The following PCDH15 variants were observed in gnomAD, a reference collection of about 807,000 sequenced individuals.
PCDH15 encodes the protein protocadherin related 15, also known as protocadherin-15.
A neutral mutation model predicts 178.5 loss-of-function variants in PCDH15; 129 were observed. The observed-to-expected ratio is 0.72, with a 90% CI of 0.63 to 0.84. PCDH15 has a LOEUF of 0.84. Among genes scored for constraint, PCDH15 ranks in the 40% least tolerant of loss-of-function variants. PCDH15 has a pLI of 0.00. For synonymous variants in PCDH15, 800 were observed against 732.0 expected, an observed-to-expected ratio of 1.09 and a Z score of -1.50; for missense variants, 2,230 against 2,099.9, an observed-to-expected ratio of 1.06 and a Z score of -1.21.
intron 2 of PCDH15, among the ~76,000 whole-genome samples, chr10:55,582,711 T>A (rs1210403932): frequency 6.7e-6 from 1 of 149,026 alleles, no homozygotes; most frequent in African/African-American, 2.5e-5. Context: ...AAATCCTTCT[T>A]AAATCTGTAA....
intron 2 of PCDH15, among the ~76,000 whole-genome samples, chr10:54,982,624 A>T (rs187908754): frequency 6.6e-6 from 1 of 152,312 alleles, no homozygotes; most frequent in East Asian, 1.9e-4. Flanking sequence ...AAGGATAATG[A>T]TAAATACATT....
At chr10:55,262,395 C>T (rs1204832712) in intron 1 of PCDH15, among the ~76,000 whole-genome samples, 1 of 152,154 alleles carries the variant, frequency 6.6e-6, no homozygotes, top group African/African-American at 2.4e-5. Context: ...CCTAAGACCA[C>T]CCTGGCCCAC....
intron 3 of PCDH15, among the ~76,000 whole-genome samples, chr10:54,412,762 G>A (rs1953737334): frequency 6.6e-6 from 1 of 152,118 alleles, no homozygotes. Flanking sequence ...TCGCTCTGTA[G>A]CCAGGGTGGA....
rs569632471 is a variant in PCDH15, at chr10:55,253,582, T to C, written c.-156+66017A>G. The stretch of plus-strand genomic sequence containing the variant: ...AGAATGGGATAGCAATGTGCCATTG[T>C]GCATTTTAAGTGAACCATAATAAGT... On this transcript the variant is annotated intron_variant, in intron 1 of 5. Transcript: ENST00000458638. 6.5e-4 allele frequency among the ~76,000 whole-genome samples: 98 copies of C among 151,824 alleles called. No individual in the cohort carries two copies. In the South Asian group the frequency reaches 0.012, roughly 19 times the overall value.
In PCDH15 at chr10:54,375,898, A is replaced by ATATATAAT. The variant is rs1554938299; in HGVS notation, c.318+2883_318+2884insATTATATA. ...GAAACGGAATATATATATATATATA[A>ATATATAAT]TTTTTTTTCTTTTTGAGACGGAGTC... On this transcript the variant is annotated intron_variant, in intron 4 of 37. Coordinates refer to ENST00000644397, the MANE Select transcript of PCDH15 (RefSeq NM_001384140.1). Among the ~76,000 whole-genome samples the ATATATAAT allele has an allele frequency of 7.5e-3, 1,041 of 139,440 alleles. 10 individuals carry two copies. The highest frequency in any genetic ancestry group is 0.023 in the African/African-American group (843 of 37,046). 91.5% of individuals were successfully genotyped at this position (139,440 alleles called of 152,430 possible).
intron 2 of PCDH15, among the ~76,000 whole-genome samples, chr10:55,141,074 T>C (rs1156891037): frequency 6.6e-6 from 1 of 152,032 alleles, no homozygotes; most frequent in Non-Finnish European, 1.5e-5. Context: ...CCCACCTCCT[T>C]GAGTCTATAA....
chr10:54,781,317 C>T (rs1217331465), intron 1 of PCDH15, among the ~76,000 whole-genome samples: 1 of 152,008 alleles, frequency 6.6e-6, no homozygotes, highest in Non-Finnish European at 1.5e-5. Context: ...CCTCCCCTAG[C>T]CCACCATCCC....
At chr10:54,175,141 A>G (rs2047317849) in intron 13 of PCDH15, among the ~76,000 whole-genome samples, 1 of 152,158 alleles carries the variant, frequency 6.6e-6, no homozygotes, top group Non-Finnish European at 1.5e-5. Flanking sequence ...AACCCCCTCA[A>G]GACCTTAAGT....
At chr10:54,602,564 G>A (rs1365675409) in intron 2 of PCDH15, among the ~76,000 whole-genome samples, 1 of 151,832 alleles carries the variant, frequency 6.6e-6, no homozygotes, top group Non-Finnish European at 1.5e-5. Flanking sequence ...AGAGGCTTTT[G>A]GGTTTTCCCC....
In PCDH15 at chr10:54,445,063, A is replaced by G. The variant is rs80171260; in HGVS notation, c.158-66121T>C. ...TCCTTTTCTCAATTGCCAATTGTCT[A>G]CTGCTTGTCCTGGGTTCCATCTTTT... On this transcript the variant is annotated intron_variant, in intron 3 of 37. Transcript: ENST00000644397. Among the ~76,000 whole-genome samples the G allele has an allele frequency of 6.5e-3, 982 of 151,066 alleles. 6 individuals carry two copies. The highest frequency in any genetic ancestry group is 0.022 in the African/African-American group (927 of 41,268).
intron 8 of PCDH15, among the ~76,000 whole-genome samples, chr10:54,246,142 A>ATTC (rs1426882757): frequency 6.6e-6 from 1 of 152,012 alleles, no homozygotes; most frequent in African/African-American, 2.4e-5. Context: ...CACAATATAT[A>ATTC]ATGTACTTTT....
chr10:54,888,287 A>T (rs72798534), intron 3 of PCDH15, among the ~76,000 whole-genome samples: 2 of 152,098 alleles, frequency 1.3e-5, no homozygotes, highest in Non-Finnish European at 2.9e-5. Context: ...GGGCTCATAG[A>T]GCATGTACTG....
chr10:54,740,802 T>G (rs1449131539), intron 1 of PCDH15, among the ~76,000 whole-genome samples: 1 of 151,976 alleles, frequency 6.6e-6, no homozygotes, highest in Non-Finnish European at 1.5e-5. Context: ...CTCACTAATA[T>G]GCGGGAGCTA....
chr10:54,525,250 C>A (rs930768472), intron 3 of PCDH15, among the ~76,000 whole-genome samples: 4 of 152,134 alleles, frequency 2.6e-5, no homozygotes, highest in Admixed American at 2.0e-4. Flanking sequence ...GAGCCACAGG[C>A]AATTTGACTT....
intron 2 of PCDH15, among the ~76,000 whole-genome samples, chr10:55,601,797 G>A (rs1307606470): frequency 2.6e-5 from 4 of 152,132 alleles, no homozygotes; most frequent in Non-Finnish European, 4.4e-5. Flanking sequence ...AAGAGAGGTA[G>A]AAGAAAATAA....
intron 25 of PCDH15, among the ~76,000 whole-genome samples, chr10:53,920,199 G>T (rs1199687453): frequency 6.6e-6 from 1 of 152,028 alleles, no homozygotes; most frequent in Non-Finnish European, 1.5e-5. Flanking sequence ...ATAAACTGTA[G>T]ACAAACAATA....
chr10:55,586,901 G>A (rs1301566976), intron 2 of PCDH15, among the ~76,000 whole-genome samples: 2 of 151,906 alleles, frequency 1.3e-5, no homozygotes, highest in Non-Finnish European at 2.9e-5. Context: ...TATTCCTATT[G>A]AATGAAGGAT....
chr10:54,559,870 A>AAAAAG (rs778729182), intron 2 of PCDH15, among the ~76,000 whole-genome samples: 1 of 54,326 alleles, frequency 1.8e-5, no homozygotes, highest in Non-Finnish European at 5.4e-5. Flanking sequence ...AAAAAAAAAA[A>AAAAAG]AAAAGAAAAG....
intron 8 of PCDH15, among the ~76,000 whole-genome samples, chr10:54,260,955 C>T (rs1040301025): frequency 6.6e-6 from 1 of 152,096 alleles, no homozygotes; most frequent in Non-Finnish European, 1.5e-5. Context: ...TTTTAAATGG[C>T]TTTTGGTCTC....
Sources: allele counts gnomAD v4.1 joint callset (sites outside exome capture counted in the v4.1 genomes callset), GRCh38; gene constraint gnomAD v4.1.1; transcripts MANE v1.5; gene names NCBI Gene and HGNC (gene_info 2026-07-23, HGNC 2026-07-21).